Variants in TNFRSF1A observed in about 807,000 individuals in gnomAD.
The protein encoded by TNFRSF1A is TNF receptor superfamily member 1A.
Under a neutral mutation model 41.6 loss-of-function variants are expected in TNFRSF1A, and 9 were observed. The ratio of observed to expected loss-of-function variants is 0.22; its 90% CI spans 0.13 to 0.38. The LOEUF is 0.38. Ranked by LOEUF, TNFRSF1A falls within the 10% of genes least tolerant of loss-of-function variation. The pLI is 1.00. For missense variants in TNFRSF1A, 463 were observed against 591.5 expected (o/e 0.78, Z 2.25); for synonymous variants, 254 against 248.6 (o/e 1.02, Z -0.21).
intron 5 of TNFRSF1A, among the ~76,000 whole-genome samples, chr12:6,332,758 T>C (rs1375609195): frequency 6.6e-6 from 1 of 152,014 alleles, no homozygotes; most frequent in Non-Finnish European, 1.5e-5. Flanking sequence ...TTATAGGAGG[T>C]TTGATTTCAG....
Position 6,329,282 on chromosome 12 carries a change from G to T in TNFRSF1A, c.*30C>A. 6.9e-7 allele frequency: 1 copy of T among 1,441,256 alleles called. No homozygotes were observed. 89.3% of individuals were successfully genotyped at this position (1,441,256 alleles called of 1,614,324 possible). A position where few individuals can be genotyped will look rare whatever the true frequency, so the allele number is the denominator to read the frequency against. ...GGTTGGAAGGCGATCTCGCAGGACGGTCCTTAGAGCTGCCCGCAGGGGCGC... is the reference window on the plus strand; with the variant it reads ...GGTTGGAAGGCGATCTCGCAGGACGTTCCTTAGAGCTGCCCGCAGGGGCGC... On this transcript the variant is annotated 3_prime_UTR_variant, in exon 10 of 10. Coordinates refer to ENST00000162749, the MANE Select transcript of TNFRSF1A (RefSeq NM_001065.4).
At chr12:6,339,837 TCTCTCA>T (rs753058711) in intron 1 of TNFRSF1A, among the ~76,000 whole-genome samples, 1,102 of 108,706 alleles carry the variant, frequency 0.01, 9 homozygotes, top group South Asian at 0.019. Context: ...TCTCTCTCTC[TCTCTCA>T]CACACACACA....
chr12:6,341,739 C>A lies in TNFRSF1A; in HGVS notation c.39+37G>T, dbSNP rs201282160. On this transcript the variant is annotated intron_variant, in intron 1 of 9. Coordinates refer to ENST00000162749, the MANE Select transcript of TNFRSF1A (RefSeq NM_001065.4). This position sits in a 1 kb window ranked among gnomAD's most constrained non-coding sequence, Gnocchi z 4.6. Reference sequence around the variant, plus strand: ...CCCACGCCAGCCGGAAGGTGCCTCGCCCACCAGCCCACTCTTCCCTTTGTC... The same window carrying A: ...CCCACGCCAGCCGGAAGGTGCCTCGACCACCAGCCCACTCTTCCCTTTGTC... 1.7e-5 allele frequency: 28 copies of A among 1,613,208 alleles called. No individual in the cohort carries two copies. The highest frequency in any genetic ancestry group is 2.4e-5 in the Non-Finnish European group (28 of 1,179,650).
intron 7 of TNFRSF1A, 126 bp from the exon 8 acceptor site, chr12:6,330,421 GAGCTACTGATGC>G: frequency 9.2e-7 from 1 of 1,091,248 alleles, no homozygotes; most frequent in African/African-American, 1.5e-5. Context: ...AGGGACGAGA[GAGCTACTGATGC>G]AGCTCGACAT....
Position 6,341,807 on chromosome 12 carries a change from A to G in TNFRSF1A, c.8T>C (p.Leu3Pro). The G allele has an allele frequency of 6.2e-7, 1 of 1,614,110 alleles. No individual in the cohort carries two copies. Among genetic ancestry groups the G allele is most frequent in the Non-Finnish European group, 8.5e-7 (1 of 1,180,006 alleles). The change falls in exon 1 of 10, where the codon CTC (leucine) becomes CCC (proline). Residue 3 changes from leucine (L) to proline (P), a missense_variant. Coordinates refer to ENST00000162749, the MANE Select transcript of TNFRSF1A (RefSeq NM_001065.4). This position sits in a 1 kb window ranked among gnomAD's most constrained non-coding sequence, Gnocchi z 4.6. ...CAGCAGCAGGTCAGGCACGGTGGAGAGGCCCATGCCAGACAGCTATGGCCT... is the reference window on the plus strand; with the variant it reads ...CAGCAGCAGGTCAGGCACGGTGGAGGGGCCCATGCCAGACAGCTATGGCCT... MG[L>P]STVPDLLLPL...
At position 6,337,338 on chromosome 12, in the gene TNFRSF1A, C is replaced by T. The variant is rs1212225241; in HGVS notation, c.40-3094G>A. Among the ~76,000 whole-genome samples, 1 of 152,160 alleles carries T rather than the reference C, an allele frequency of 6.6e-6. No homozygotes were observed. Among genetic ancestry groups the T allele is most frequent in the African/African-American group, 2.4e-5 (1 of 41,426 alleles). ...GTGGAGAGACAGTTGAGGGGGTGGCCCAACACCCCTCCAACTCCCCCACAA... is the reference window on the plus strand; with the variant it reads ...GTGGAGAGACAGTTGAGGGGGTGGCTCAACACCCCTCCAACTCCCCCACAA... On this transcript the variant is annotated intron_variant, in intron 1 of 9. Coordinates refer to ENST00000162749, the MANE Select transcript of TNFRSF1A (RefSeq NM_001065.4). The surrounding 1 kb of genome is among the most constrained non-coding windows in gnomAD (Gnocchi z 4.6).
At chr12:6,330,099 G>A (rs200684446) in intron 8 of TNFRSF1A, 33 bp from the exon 9 acceptor site, 159 of 1,612,366 alleles carry the variant, frequency 9.9e-5, no homozygotes, top group Non-Finnish European at 1.2e-4. Context: ...GCATTAGTGC[G>A]GCAGCGAAAA....
intron 5 of TNFRSF1A, chr12:6,331,999 T>TC (rs1948055779): frequency 1.5e-5 from 1 of 66,992 alleles, no homozygotes; most frequent in South Asian, 9.0e-5. Context: ...GGACTCTGTG[T>TC]CAAAAAAAAA....
chr12:6,340,915 A>T (rs145197617), intron 1 of TNFRSF1A, among the ~76,000 whole-genome samples: 1 of 152,320 alleles, frequency 6.6e-6, no homozygotes, highest in African/African-American at 2.4e-5. Flanking sequence ...ACAACTTTCT[A>T]CCAACTTCCC....
Position 6,333,063 on chromosome 12 carries a change from A to G in TNFRSF1A, c.551+6T>C. 6.2e-7 allele frequency: 1 copy of G among 1,613,396 alleles called. No homozygotes were observed. On this transcript the variant is annotated splice_donor_region_variant and intron_variant, in intron 5 of 9. Coordinates refer to ENST00000162749, the MANE Select transcript of TNFRSF1A (RefSeq NM_001065.4). This position sits in a 1 kb window ranked among gnomAD's most constrained non-coding sequence, Gnocchi z 6.3. ...CCAGTGCCCAGCAGCTCTCAGAGAT[A>G]CTCACTTACTACAGGAGACACACTC...
chr12:6,329,680 C>T lies in TNFRSF1A; in HGVS notation c.1058-58G>A, dbSNP rs1948008479. On this transcript the variant is annotated intron_variant, in intron 9 of 9. Transcript: ENST00000162749. ...GCAACCCCAGGCCCCGCCCCGCATC[C>T]CGCGCCCTCCGCCTCTCGTGGTCCC... The T allele has an allele frequency of 5.9e-6, 9 of 1,530,778 alleles. No homozygotes were observed. The East Asian group carries it at 2.2e-4, about 37-fold the overall frequency. The allele number at this position is 1,530,778 out of a possible 1,614,324, so 94.8% of individuals were successfully genotyped here. A position where few individuals can be genotyped will look rare whatever the true frequency, so the allele number is the denominator to read the frequency against.
rs104895291 is a variant in TNFRSF1A at position 6,329,600 on chromosome 12, G to A, written c.1080C>T (p.Tyr360=). Residue 360 remains tyrosine (Y), a synonymous_variant, in exon 10 of 10, where the codon TAC becomes TAT. Coordinates refer to ENST00000162749, the MANE Select transcript of TNFRSF1A (RefSeq NM_001065.4). ...ACGGGGGCACGTTCTCCACCACGGC[G>A]TACAGCGTCGCGGGGTCATCAGCTG... The part of the protein sequence containing the change: ...SLDTDDPATL[Y]AVVENVPPLR... 6 of 1,593,244 alleles carry A rather than the reference G, an allele frequency of 3.8e-6. No homozygotes were observed. In the African/African-American group the frequency reaches 8.0e-5, roughly 21 times the overall value.
rs1488450518 is a variant in TNFRSF1A at position 6,333,930 on chromosome 12, A to G, written c.194-65T>C. The G allele has an allele frequency of 1.2e-6, 2 of 1,603,688 alleles. No individual in the cohort carries two copies. The highest frequency in any genetic ancestry group is 2.7e-5 in the African/African-American group (2 of 74,702). ...ACAAGGAAGGAGCCCCATGCTAGGG[A>G]CAACAGCCAGGGCCGATTCCCTGAA... On this transcript the variant is annotated intron_variant, in intron 2 of 9. Transcript: ENST00000162749. The surrounding 1 kb of genome is among the most constrained non-coding windows in gnomAD (Gnocchi z 6.3).
Position 6,341,951 on chromosome 12 carries a change from G to T in TNFRSF1A, c.-137C>A. ...GGTGACAGTTGAGGGTTGAGACTCG[G>T]GCATAGAGATCACGGCCTGGTCCCA... On this transcript the variant is annotated 5_prime_UTR_variant, in exon 1 of 10. Transcript: ENST00000162749. The surrounding 1 kb of genome is among the most constrained non-coding windows in gnomAD (Gnocchi z 4.6). 1 of 860,986 alleles carries T rather than the reference G, an allele frequency of 1.2e-6. No homozygotes were observed. Among genetic ancestry groups the T allele is most frequent in the African/African-American group, 1.7e-5 (1 of 60,568 alleles). The allele number at this position is 860,986 out of a possible 1,614,324, so 53.3% of individuals were successfully genotyped here.
chr12:6,336,415 G>T (rs1257293311), intron 1 of TNFRSF1A, among the ~76,000 whole-genome samples: 1 of 151,750 alleles, frequency 6.6e-6, no homozygotes, highest in African/African-American at 2.4e-5. Context: ...GCTCCTCAAG[G>T]GTCATGAGTC....
rs754059471 is a variant in TNFRSF1A, at chr12:6,330,816, G to A, written c.625+37C>T. ...CGGGTGGGGGCAAGAAGAGGGAGAGGGCAGGTGAGCATGGGCACCAGGTCA... is the reference window on the plus strand; with the variant it reads ...CGGGTGGGGGCAAGAAGAGGGAGAGAGCAGGTGAGCATGGGCACCAGGTCA... On this transcript the variant is annotated intron_variant, in intron 6 of 9. Transcript: ENST00000162749. The A allele has an allele frequency of 1.6e-5, 26 of 1,598,922 alleles. No individual in the cohort carries two copies. In the South Asian group the frequency reaches 2.2e-4, roughly 14 times the overall value.
chr12:6,329,420 C>A lies in TNFRSF1A; in HGVS notation c.1260G>T (p.Leu420=), dbSNP rs1336679886. ...RTPRREATLE[L]LGRVLRDMDL... ...CCATGTCGCGGAGCACGCGTCCCAGCAGCTCCAGCGTGGCCTCGCGCCGCG... is the reference window on the plus strand; with the variant it reads ...CCATGTCGCGGAGCACGCGTCCCAGAAGCTCCAGCGTGGCCTCGCGCCGCG... Residue 420 remains leucine, a synonymous_variant, in exon 10 of 10, where the codon CTG becomes CTT. Coordinates refer to ENST00000162749, the MANE Select transcript of TNFRSF1A (RefSeq NM_001065.4). 1.9e-6 allele frequency: 3 copies of A among 1,580,514 alleles called. No individual in the cohort carries two copies. The highest frequency in any genetic ancestry group is 2.6e-6 in the Non-Finnish European group (3 of 1,170,032).
rs987478910 is a variant in TNFRSF1A at position 6,341,539 on chromosome 12, T to C, written c.39+237A>G. Among the ~76,000 whole-genome samples, 1 of 152,246 alleles carries C rather than the reference T, an allele frequency of 6.6e-6. No individual in the cohort carries two copies. The highest frequency in any genetic ancestry group is 6.5e-5 in the Admixed American group (1 of 15,290). On this transcript the variant is annotated intron_variant, in intron 1 of 9. Transcript: ENST00000162749. This position sits in a 1 kb window ranked among gnomAD's most constrained non-coding sequence, Gnocchi z 4.6. Reference sequence around the variant, plus strand: ...GCTGTCAGGGGCCAGGGCTTCCTTTTACTCTCTCCCTTTCAAACTTCTCCC... The same window carrying C: ...GCTGTCAGGGGCCAGGGCTTCCTTTCACTCTCTCCCTTTCAAACTTCTCCC...
chr12:6,340,577 C>A (rs4149572), intron 1 of TNFRSF1A, among the ~76,000 whole-genome samples: 3,838 of 152,066 alleles, frequency 0.025, 78 homozygotes, highest in Middle Eastern at 0.092. Context: ...TGCCTGGGGA[C>A]CTGGGGCCGG....
Sources: gnomAD v4.1 joint callset for allele counts (sites outside exome capture counted in the v4.1 genomes callset) on GRCh38, gnomAD v4.1.1 for gene constraint, Gnocchi (gnomAD v3.1) non-coding constraint, MANE v1.5 for transcripts, NCBI Gene and HGNC (gene_info 2026-07-23, HGNC 2026-07-21) for gene names.